Variants in ARMC2 observed in about 807,000 individuals in gnomAD.
The protein encoded by ARMC2 is armadillo repeat-containing protein 2.
ARMC2 carries 67 observed loss-of-function variants against 90.3 expected under a neutral mutation model. The observed-to-expected ratio is 0.74, with a 90% CI of 0.61 to 0.91. ARMC2 has a LOEUF of 0.91. Among genes scored for constraint, ARMC2 ranks in the 40% least tolerant of loss-of-function variants. The pLI is 0.00. For synonymous variants in ARMC2, 393 were observed against 393.0 expected (o/e 1.00, Z 0.00); for missense variants, 920 against 1,030.9 (o/e 0.89, Z 1.47).
At chr6:108,994,367 C>T in the ARMC2 span, 7 of 989,742 alleles carry the variant, frequency 7.1e-6, no homozygotes, top group Non-Finnish European at 1.0e-5. Context: ...AAAGGAAGGA[C>T]ATATTTAGAT....
intron 5 of ARMC2, among the ~76,000 whole-genome samples, chr6:108,882,362 CCGGGAG>C (rs1269581230): frequency 1.3e-5 from 2 of 151,356 alleles, no homozygotes; most frequent in Non-Finnish European, 2.9e-5. Context: ...TGGCGTGAAC[CCGGGAG>C]GCAGAGCTTT....
chr6:108,992,423 T>C, the ARMC2 span, among the ~76,000 whole-genome samples: 1 of 152,134 alleles, frequency 6.6e-6, no homozygotes, highest in Non-Finnish European at 1.5e-5. Flanking sequence ...GGCCCCTTAG[T>C]TTTTTGAGCA....
intron 5 of ARMC2, among the ~76,000 whole-genome samples, chr6:108,884,531 G>A (rs1045798102): frequency 2.0e-5 from 3 of 152,174 alleles, no homozygotes; most frequent in African/African-American, 7.2e-5. Context: ...ATTTGGGGGT[G>A]CATTTTGAAG....
At chr6:109,028,188 A>G in the ARMC2 span, among the ~76,000 whole-genome samples, 2 of 152,160 alleles carry the variant, frequency 1.3e-5, no homozygotes, top group African/African-American at 4.8e-5. Context: ...TTATAGCTTT[A>G]GGTTTTAATA....
the ARMC2 span, among the ~76,000 whole-genome samples, chr6:109,017,167 C>A: frequency 6.6e-6 from 1 of 152,078 alleles, no homozygotes; most frequent in Non-Finnish European, 1.5e-5. Flanking sequence ...CTCTTTAAGG[C>A]TCTATTTGGC....
intron 10 of ARMC2, 107 bp downstream of exon 10, chr6:108,912,665 G>T (rs1773557195): frequency 5.9e-6 from 6 of 1,024,128 alleles, no homozygotes; most frequent in Non-Finnish European, 7.1e-6. Context: ...CCAGGTGTGG[G>T]TGCCTGGCCT....
intron 4 of ARMC2, among the ~76,000 whole-genome samples, chr6:108,874,350 C>T (rs2806367): frequency 0.76 from 115,092 of 152,198 alleles, 43,988 homozygotes; most frequent in South Asian, 0.82. Context: ...GTGCAGTAAA[C>T]AGCACCTGGC....
At chr6:108,889,256 C>CAGAGTCAT (rs1191819253) in intron 5 of ARMC2, among the ~76,000 whole-genome samples, 8 of 150,932 alleles carry the variant, frequency 5.3e-5, no homozygotes, top group African/African-American at 1.7e-4. Flanking sequence ...AGCGATTCTC[C>CAGAGTCAT]TGCCTCAGCC....
chr6:108,907,762 C>T (rs548756237), intron 8 of ARMC2: 290 of 1,610,962 alleles, frequency 1.8e-4, no homozygotes, highest in Non-Finnish European at 2.2e-4. Context: ...CTCTTTGAAA[C>T]GCTCCGAAAA....
chr6:108,885,020 A>T (rs879897917), intron 5 of ARMC2, among the ~76,000 whole-genome samples: 2 of 152,204 alleles, frequency 1.3e-5, no homozygotes, highest in Non-Finnish European at 2.9e-5. Context: ...CTGACAAGTT[A>T]CAAGGGCTTT....
chr6:108,892,036 C>T (rs1304022461), intron 5 of ARMC2, among the ~76,000 whole-genome samples: 2 of 152,188 alleles, frequency 1.3e-5, no homozygotes, highest in Admixed American at 6.5e-5. Flanking sequence ...TTTATGTAGG[C>T]AACCTCATCA....
chr6:108,993,209 CATACT>C, the ARMC2 span, among the ~76,000 whole-genome samples: 3 of 152,212 alleles, frequency 2.0e-5, no homozygotes, highest in South Asian at 6.2e-4. Flanking sequence ...AAAGTATGAA[CATACT>C]TTTGGATAAT....
chr6:108,891,646 G>A (rs9486972), intron 5 of ARMC2, among the ~76,000 whole-genome samples: 3 of 151,984 alleles, frequency 2.0e-5, no homozygotes, highest in African/African-American at 7.3e-5. Context: ...CTGGATATTA[G>A]CCCTTTGTCA....
At position 108,858,205 on chromosome 6, in the gene ARMC2, T is replaced by C. The variant is rs745873707; in HGVS notation, c.225T>C (p.His75=). 9 of 1,609,660 alleles carry C rather than the reference T, an allele frequency of 5.6e-6. No homozygotes were observed. The highest frequency in any genetic ancestry group is 1.1e-5 in the South Asian group (1 of 90,780). Reference sequence around the variant, plus strand: ...GCACCATCTTTTATGCTAGCCTCCATGCATCCAGTTTTGAGTCATCTGATT... The same window carrying C: ...GCACCATCTTTTATGCTAGCCTCCACGCATCCAGTTTTGAGTCATCTGATT... ...ENRPPSSFSL[H]ASSFESSDSR... is the part of the protein sequence containing the mutation. Residue 75 remains histidine (H), a synonymous_variant, in exon 3 of 18, where the codon CAT becomes CAC. Coordinates refer to ENST00000392644, the MANE Select transcript of ARMC2 (RefSeq NM_032131.6).
At chr6:109,038,265 G>A in the ARMC2 span, among the ~76,000 whole-genome samples, 4 of 152,204 alleles carry the variant, frequency 2.6e-5, no homozygotes, top group African/African-American at 9.7e-5. Context: ...GACCAAGGTG[G>A]GCAGATCACT....
the ARMC2 span, among the ~76,000 whole-genome samples, chr6:108,986,143 GTTCTGTAGTC>G: frequency 6.6e-6 from 1 of 152,102 alleles, no homozygotes; most frequent in African/African-American, 2.4e-5. Context: ...GTCATTTTTT[GTTCTGTAGTC>G]TCTCCCTAAT....
At position 108,973,862 on chromosome 6, in the gene ARMC2, CTG is replaced by C. The variant is rs1209891300; in HGVS notation, c.*351_*352del. 2 of 192,350 alleles carry C rather than the reference CTG, an allele frequency of 1.0e-5. No homozygotes were observed. Among genetic ancestry groups the C allele is most frequent in the African/African-American group, 4.7e-5 (2 of 42,608 alleles). 11.9% of individuals were successfully genotyped at this position (192,350 alleles called of 1,614,324 possible). ...TTGAAGTGTTCATAAGTTAAATGAACTGTGCAATGAAGGCTGTTAGATTATAT... is the reference window on the plus strand; with the variant it reads ...TTGAAGTGTTCATAAGTTAAATGAACTGCAATGAAGGCTGTTAGATTATAT... On this transcript the variant is annotated 3_prime_UTR_variant, in exon 18 of 18. Transcript: ENST00000392644.
chr6:108,966,810 C>A (rs552265065), intron 17 of ARMC2, among the ~76,000 whole-genome samples: 28 of 152,254 alleles, frequency 1.8e-4, no homozygotes, highest in Non-Finnish European at 3.8e-4. Flanking sequence ...GGCCCCAGCC[C>A]TAGGAATTCT....
At chr6:108,862,755 T>C (rs920353958) in intron 3 of ARMC2, among the ~76,000 whole-genome samples, 1 of 152,082 alleles carries the variant, frequency 6.6e-6, no homozygotes, top group African/African-American at 2.4e-5. Context: ...CTGAAAGAGT[T>C]TGTGAGGACC....
Sources: allele counts gnomAD v4.1 joint callset (sites outside exome capture counted in the v4.1 genomes callset), GRCh38; gene constraint gnomAD v4.1.1; transcripts MANE v1.5; gene names NCBI Gene and HGNC (gene_info 2026-07-23, HGNC 2026-07-21).